SLC24A2: variants seen among roughly 807,000 people sequenced by gnomAD.
SLC24A2 encodes the protein solute carrier family 24 member 2.
Under a neutral mutation model 62.0 loss-of-function variants are expected in SLC24A2, and 36 were observed. The observed-to-expected ratio is 0.58, with a 90% CI of 0.44 to 0.77. The LOEUF is 0.77. Ranked by LOEUF, SLC24A2 falls within the 30% of genes least tolerant of loss-of-function variation. SLC24A2 has a pLI of 0.00. For synonymous variants in SLC24A2, 358 were observed against 294.0 expected, an observed-to-expected ratio of 1.22 and a Z score of -2.23; for missense variants, 846 against 817.9, an observed-to-expected ratio of 1.03 and a Z score of -0.42.
At chr9:20,121,207 G>T in the SLC24A2 span, among the ~76,000 whole-genome samples, 1 of 150,536 alleles carries the variant, frequency 6.6e-6, no homozygotes, top group Non-Finnish European at 1.5e-5. Context: ...GGTCAATTTG[G>T]AAATAAATGG....
At chr9:19,552,691 A>C (rs1422530152) in intron 7 of SLC24A2, among the ~76,000 whole-genome samples, 1 of 152,150 alleles carries the variant, frequency 6.6e-6, no homozygotes, top group Non-Finnish European at 1.5e-5. Flanking sequence ...TTTCTGATAA[A>C]ACACAAAAGC....
chr9:20,136,984 G>C, the SLC24A2 span, among the ~76,000 whole-genome samples: 1 of 152,126 alleles, frequency 6.6e-6, no homozygotes. Flanking sequence ...CGCTAATTAA[G>C]AGAGATAATG....
At chr9:20,195,417 T>G in the SLC24A2 span, among the ~76,000 whole-genome samples, 1 of 152,190 alleles carries the variant, frequency 6.6e-6, no homozygotes, top group South Asian at 2.1e-4. Flanking sequence ...TAATTTATAT[T>G]TATCTGATTA....
chr9:20,191,671 C>A, the SLC24A2 span, among the ~76,000 whole-genome samples: 1 of 150,974 alleles, frequency 6.6e-6, no homozygotes, highest in Admixed American at 6.6e-5. Context: ...GAATTCAGGG[C>A]AAACTAGATA....
At chr9:20,240,217 A>G in the SLC24A2 span, among the ~76,000 whole-genome samples, 1 of 152,156 alleles carries the variant, frequency 6.6e-6, no homozygotes, top group Non-Finnish European at 1.5e-5. Context: ...TGGGCAGAAG[A>G]TGCTATGAGA....
chr9:19,550,952 G>T (rs773813532), intron 7 of SLC24A2, among the ~76,000 whole-genome samples: 22 of 152,182 alleles, frequency 1.4e-4, no homozygotes, highest in Middle Eastern at 3.4e-3. Context: ...CCATCACCTT[G>T]AGTGTTTATC....
chr9:19,833,150 C>T, the SLC24A2 span, among the ~76,000 whole-genome samples: 9 of 152,230 alleles, frequency 5.9e-5, no homozygotes, highest in South Asian at 2.1e-4. Context: ...CCAGCATGAG[C>T]GATGCAGAAA....
intron 2 of SLC24A2, among the ~76,000 whole-genome samples, chr9:19,722,164 A>G (rs1010907631): frequency 6.6e-6 from 1 of 152,110 alleles, no homozygotes; most frequent in Non-Finnish European, 1.5e-5. Context: ...AAGTAGTTCT[A>G]TGTATAGTAG....
At chr9:20,069,020 A>G in the SLC24A2 span, among the ~76,000 whole-genome samples, 1 of 148,588 alleles carries the variant, frequency 6.7e-6, no homozygotes, top group Admixed American at 6.9e-5. Context: ...GTTCCAAACT[A>G]TACTCATCCT....
At chr9:19,523,346 T>A (rs1176595508) in intron 9 of SLC24A2, among the ~76,000 whole-genome samples, 1 of 152,220 alleles carries the variant, frequency 6.6e-6, no homozygotes, top group Non-Finnish European at 1.5e-5. Flanking sequence ...CTTTCCTATC[T>A]GTAAAATGAG....
chr9:19,785,746 A>G (rs915462658), intron 2 of SLC24A2, among the ~76,000 whole-genome samples, 191 bp downstream of exon 2: 1 of 152,368 alleles, frequency 6.6e-6, no homozygotes. Context: ...CTTAGTAAAC[A>G]TCTGCAAGAA....
the SLC24A2 span, among the ~76,000 whole-genome samples, chr9:20,054,049 G>C: frequency 2.0e-5 from 3 of 152,182 alleles, no homozygotes; most frequent in Non-Finnish European, 2.9e-5. Flanking sequence ...GTCTGTGTCA[G>C]TTTGATAGGG....
the SLC24A2 span, among the ~76,000 whole-genome samples, chr9:19,850,983 ATGTATATATATATATATACACATAC>A: frequency 1.8e-4 from 7 of 39,576 alleles, no homozygotes; most frequent in Admixed American, 2.8e-4. Flanking sequence ...ATATATATAT[ATGTATATATATATATATACACATAC>A]ATATATATAT....
intron 2 of SLC24A2, among the ~76,000 whole-genome samples, chr9:19,661,071 CT>C (rs1564023404): frequency 6.6e-6 from 1 of 152,126 alleles, no homozygotes; most frequent in African/African-American, 2.4e-5. Context: ...ACTTACAGGC[CT>C]TGCATATAGG....
chr9:19,591,018 C>T (rs774420061), intron 5 of SLC24A2, among the ~76,000 whole-genome samples: 6 of 152,304 alleles, frequency 3.9e-5, no homozygotes, highest in Non-Finnish European at 7.3e-5. Context: ...TTCTTCCCAC[C>T]TCAGTCTCCT....
intron 2 of SLC24A2, among the ~76,000 whole-genome samples, chr9:19,756,059 C>A (rs1385805500): frequency 2.0e-5 from 3 of 152,136 alleles, no homozygotes; most frequent in Non-Finnish European, 4.4e-5. Context: ...AGGTTCCTGA[C>A]CATGGCAAAT....
chr9:19,772,829 T>A (rs1417669226), intron 2 of SLC24A2, among the ~76,000 whole-genome samples: 2 of 152,286 alleles, frequency 1.3e-5, no homozygotes, highest in African/African-American at 4.8e-5. Flanking sequence ...ACCCAGCAAT[T>A]CTACTCATAA....
chr9:20,092,194 G>C, the SLC24A2 span, among the ~76,000 whole-genome samples: 1 of 152,128 alleles, frequency 6.6e-6, no homozygotes, highest in South Asian at 2.1e-4. Flanking sequence ...ACCCCCATGA[G>C]TTTACCTGTG....
At chr9:19,858,152 C>T in the SLC24A2 span, among the ~76,000 whole-genome samples, 1 of 152,140 alleles carries the variant, frequency 6.6e-6, no homozygotes, top group Non-Finnish European at 1.5e-5. Flanking sequence ...GGTACAAAAA[C>T]AGACACGTAG....
Sources: gnomAD v4.1 joint callset for allele counts (sites outside exome capture counted in the v4.1 genomes callset) on GRCh38, gnomAD v4.1.1 for gene constraint, MANE v1.5 for transcripts, NCBI Gene and HGNC (gene_info 2026-07-23, HGNC 2026-07-21) for gene names.